GSDME: variants seen among roughly 807,000 people sequenced by gnomAD.
The protein encoded by GSDME is gasdermin E, also known as gasdermin-E.
In GSDME, 44 loss-of-function variants were observed where a neutral mutation model predicts 47.5. The observed-to-expected ratio is 0.93, with a 90% CI of 0.73 to 1.19. The LOEUF (loss-of-function observed/expected upper bound fraction) is 1.19, where lower values mean the gene tolerates loss of function less well. Among genes scored for constraint, GSDME ranks in the 50% most tolerant of loss-of-function variants. The probability of loss-of-function intolerance (pLI) is 0.00; values close to 1 mark genes in which losing one functional copy is unlikely to be tolerated. For synonymous variants in GSDME, 258 were observed against 252.8 expected, an observed-to-expected ratio of 1.02 and a Z score of -0.20; for missense variants, 663 against 604.2, an observed-to-expected ratio of 1.10 and a Z score of -1.02.
At chr7:24,791,256 C>T in the GSDME span, among the ~76,000 whole-genome samples, 1 of 152,216 alleles carries the variant, frequency 6.6e-6, no homozygotes, top group African/African-American at 2.4e-5. The surrounding 1 kb of genome is among the most constrained non-coding windows in gnomAD (Gnocchi z 4.8). Context: ...CCTTTGCTGT[C>T]TTCTGTACCA....
At position 24,698,972 on chromosome 7, in the gene GSDME, A is replaced by T; in HGVS notation, c.*54T>A. The T allele has an allele frequency of 1.6e-6, 2 of 1,224,034 alleles. No individual in the cohort carries two copies. Among genetic ancestry groups the T allele is most frequent in the Non-Finnish European group, 2.4e-6 (2 of 836,168 alleles). The allele number at this position is 1,224,034 out of a possible 1,614,324, so 75.8% of individuals were successfully genotyped here. A position where few individuals can be genotyped will look rare whatever the true frequency, so the allele number is the denominator to read the frequency against. ...TTTTAACGTGCATATGACCTTTAAC[A>T]GTTCTGAAAAATAGCCTTGGCCAGT... On this transcript the variant is annotated 3_prime_UTR_variant, in exon 10 of 10. Coordinates refer to ENST00000645220, the MANE Select transcript of GSDME (RefSeq NM_001127453.2).
the GSDME span, among the ~76,000 whole-genome samples, chr7:24,793,209 T>A: frequency 2.6e-5 from 4 of 152,224 alleles, no homozygotes; most frequent in African/African-American, 9.6e-5. Context: ...ATTTTTAATG[T>A]CTGACCATAA....
the GSDME span, among the ~76,000 whole-genome samples, chr7:24,763,896 A>G: frequency 2.0e-5 from 3 of 152,250 alleles, no homozygotes; most frequent in Admixed American, 2.0e-4. The surrounding 1 kb of genome is among the most constrained non-coding windows in gnomAD (Gnocchi z 4.3). Flanking sequence ...AAGAATCCCA[A>G]CTAGGGTAAA....
the GSDME span, among the ~76,000 whole-genome samples, chr7:24,775,874 C>CAAAAA: frequency 8.6e-4 from 27 of 31,394 alleles, 1 homozygote; most frequent in East Asian, 2.6e-3. Context: ...GATTCCATCT[C>CAAAAA]AAAAAAAAAA....
At chr7:24,715,445 A>G (rs1789515048) in intron 5 of GSDME, 1 of 470,934 alleles carries the variant, frequency 2.1e-6, no homozygotes, top group Non-Finnish European at 4.4e-6. Context: ...CTATTGAATC[A>G]TCACTTGTAC....
intron 7 of GSDME, chr7:24,707,216 T>TA (rs1789147030): frequency 4.6e-6 from 2 of 439,118 alleles, no homozygotes; most frequent in Admixed American, 5.6e-5. Flanking sequence ...CATAAAGCAC[T>TA]AAATCAGTTA....
At chr7:24,708,297 C>T (rs1789204820) in intron 6 of GSDME, 43 bp from the exon 7 acceptor site, 3 of 1,612,204 alleles carry the variant, frequency 1.9e-6, no homozygotes, top group African/African-American at 2.7e-5. Context: ...CTGCGATGCA[C>T]ATCTCACGAC....
intron 5 of GSDME, 58 bp from the exon 6 acceptor site, chr7:24,710,446 A>G: frequency 6.3e-7 from 1 of 1,579,098 alleles, no homozygotes; most frequent in East Asian, 2.2e-5. Flanking sequence ...TGTGCCAACA[A>G]GTCTGGACAG....
At chr7:24,778,383 G>T in the GSDME span, among the ~76,000 whole-genome samples, 1 of 152,136 alleles carries the variant, frequency 6.6e-6, no homozygotes, top group Non-Finnish European at 1.5e-5. This position sits in a 1 kb window ranked among gnomAD's most constrained non-coding sequence, Gnocchi z 5.6. Flanking sequence ...AGTCATCAAA[G>T]ATCTTTAGAC....
At position 24,699,021 on chromosome 7, in the gene GSDME, T is replaced by C. The variant is rs774476375; in HGVS notation, c.*5A>G. On this transcript the variant is annotated 3_prime_UTR_variant, in exon 10 of 10. Transcript: ENST00000645220. ...GTAACACGTACTTCTAGTTCACATATGACATCATGAATGTTCTCTGCCTAA... is the reference window on the plus strand; with the variant it reads ...GTAACACGTACTTCTAGTTCACATACGACATCATGAATGTTCTCTGCCTAA... The C allele has an allele frequency of 6.3e-7, 1 of 1,597,270 alleles. No homozygotes were observed. Among genetic ancestry groups the C allele is most frequent in the Non-Finnish European group, 8.6e-7 (1 of 1,165,076 alleles).
chr7:24,756,834 GGGGCTT>G lies in GSDME; in HGVS notation c.-20+556_-20+561del, dbSNP rs771240350. 6.6e-6 allele frequency among the ~76,000 whole-genome samples: 1 copy of G among 152,186 alleles called. No homozygotes were observed. The highest frequency in any genetic ancestry group is 2.4e-5 in the African/African-American group (1 of 41,446). On this transcript the variant is annotated intron_variant, in intron 1 of 9. Transcript: ENST00000645220. This position sits in a 1 kb window ranked among gnomAD's most constrained non-coding sequence, Gnocchi z 4.2. ...CCAGCGCATGCCAGGCACACCGAGT[GGGGCTT>G]GGCCTCCTCCCCAAGCTAGGAGCTC...
At chr7:24,794,632 G>A in the GSDME span, among the ~76,000 whole-genome samples, 2 of 152,040 alleles carry the variant, frequency 1.3e-5, no homozygotes, top group East Asian at 1.9e-4. Context: ...TCTAATGCCC[G>A]CCAATCTATC....
At position 24,714,259 on chromosome 7, in the gene GSDME, C is replaced by G. The variant is rs1187091786; in HGVS notation, c.697+2995G>C. On this transcript the variant is annotated intron_variant, in intron 5 of 9. Transcript: ENST00000645220. The surrounding 1 kb of genome is among the most constrained non-coding windows in gnomAD (Gnocchi z 5.0). ...GCCGGGATACAGATGGAGTCTGCCT[C>G]CCTTCGAGGTTTCAAAGGACGACCA... Among the ~76,000 whole-genome samples, 6 of 152,248 alleles carry G rather than the reference C, an allele frequency of 3.9e-5. No individual in the cohort carries two copies. The highest frequency in any genetic ancestry group is 2.1e-4 in the South Asian group (1 of 4,806).
At chr7:24,718,402 T>C (rs1321788609) in intron 4 of GSDME, among the ~76,000 whole-genome samples, 1 of 152,226 alleles carries the variant, frequency 6.6e-6, no homozygotes, top group Non-Finnish European at 1.5e-5. Flanking sequence ...TTGGTAAGAC[T>C]GTCAATAACT....
the GSDME span, among the ~76,000 whole-genome samples, chr7:24,795,203 C>A: frequency 1.3e-5 from 2 of 152,154 alleles, no homozygotes; most frequent in African/African-American, 2.4e-5. Flanking sequence ...TCCACCAGGG[C>A]AATTACCCAG....
At chr7:24,702,629 T>C (rs1788915723) in intron 9 of GSDME, 131 bp downstream of exon 9, 2 of 758,334 alleles carry the variant, frequency 2.6e-6, no homozygotes, top group South Asian at 2.7e-5. Context: ...TTAATAACAA[T>C]ACTTACTTAA....
the GSDME span, among the ~76,000 whole-genome samples, chr7:24,773,684 C>A: frequency 6.6e-6 from 1 of 152,198 alleles, no homozygotes; most frequent in South Asian, 2.1e-4. This position sits in a 1 kb window ranked among gnomAD's most constrained non-coding sequence, Gnocchi z 5.4. Context: ...ATAGTGATGG[C>A]ATGGCCTCTT....
chr7:24,699,682 C>T (rs1465380619), intron 9 of GSDME, among the ~76,000 whole-genome samples: 2 of 152,102 alleles, frequency 1.3e-5, no homozygotes, highest in Non-Finnish European at 1.5e-5. Flanking sequence ...AGCAGGAAAA[C>T]CCTTGAGGTG....
the GSDME span, among the ~76,000 whole-genome samples, chr7:24,787,197 T>C: frequency 6.6e-6 from 1 of 152,202 alleles, no homozygotes; most frequent in Non-Finnish European, 1.5e-5. The surrounding 1 kb of genome is among the most constrained non-coding windows in gnomAD (Gnocchi z 5.0). Context: ...TTACTTAGCA[T>C]GGAGAGGAAC....
Sources: gnomAD v4.1 joint callset for allele counts (sites outside exome capture counted in the v4.1 genomes callset) on GRCh38, gnomAD v4.1.1 for gene constraint, Gnocchi (gnomAD v3.1) non-coding constraint, MANE v1.5 for transcripts, NCBI Gene and HGNC (gene_info 2026-07-23, HGNC 2026-07-21) for gene names.